The following TENM4 variants were observed in gnomAD, a reference collection of about 807,000 sequenced individuals.
TENM4 encodes teneurin-4.
A neutral mutation model predicts 243.3 loss-of-function variants in TENM4; 82 were observed. The observed-to-expected ratio is 0.34, with a 90% confidence interval of 0.28 to 0.40. The LOEUF is 0.40. TENM4 is among the 10% of genes least tolerant of loss of function. The pLI, the probability that TENM4 is intolerant of heterozygous loss-of-function variation, is 1.00. For synonymous variants in TENM4, 1,412 were observed against 1,456.3 expected (o/e 0.97, Z 0.69); for missense variants, 3,138 against 3,673.3 (o/e 0.85, Z 3.77).
intron 3 of TENM4, among the ~76,000 whole-genome samples, chr11:79,215,125 C>G (rs1367635017): frequency 2.0e-5 from 3 of 152,168 alleles, no homozygotes; most frequent in Non-Finnish European, 4.4e-5. Context: ...CCTCAGCCTC[C>G]CTCAATGTAA....
intron 9 of TENM4, among the ~76,000 whole-genome samples, chr11:78,868,838 G>A (rs1047002783): frequency 2.6e-5 from 4 of 152,138 alleles, no homozygotes; most frequent in African/African-American, 7.2e-5. Flanking sequence ...GATTCAAGTG[G>A]CATTTTTGGT....
chr11:78,903,320 C>G lies in TENM4; in HGVS notation c.697G>C (p.Ala233Pro). 4 of 1,482,856 alleles carry G rather than the reference C, an allele frequency of 2.7e-6. No individual in the cohort carries two copies. The highest frequency in any genetic ancestry group is 3.6e-6 in the Non-Finnish European group (4 of 1,118,626). 91.9% of individuals were successfully genotyped at this position (1,482,856 alleles called of 1,614,324 possible). ...EPPAGGAQEP[A>P]HAQENWLLNS... is the part of the protein sequence containing the mutation. The stretch of plus-strand genomic sequence containing the variant: ...AGCAGCCAGTTCTCCTGGGCGTGGG[C>G]AGGCTCCTGGGCGCCGCCGGCAGGG... Residue 233 changes from alanine (A) to proline (P), a missense_variant, in exon 7 of 34, where the codon GCC becomes CCC. Coordinates refer to ENST00000278550, the MANE Select transcript of TENM4 (RefSeq NM_001098816.3).
Position 79,307,007 on chromosome 11 carries a change from C to G in TENM4, c.-320-9464G>C, listed in dbSNP as rs138564478. On this transcript the variant is annotated intron_variant, in intron 1 of 33. Transcript: ENST00000278550. ...CAGATGTGCCTCTTTGTAAAAGGAT[C>G]TTTTAAGATTCCTGAGGATATATGT... is the stretch of plus-strand genomic sequence containing the variant. Among the ~76,000 whole-genome samples, 71 of 152,300 alleles carry G rather than the reference C, an allele frequency of 4.7e-4. 1 individual carries two copies. The South Asian group carries it at 9.3e-3, about 20-fold the overall frequency.
At chr11:78,981,234 C>G (rs1857785993) in intron 6 of TENM4, among the ~76,000 whole-genome samples, 1 of 152,200 alleles carries the variant, frequency 6.6e-6, no homozygotes, top group African/African-American at 2.4e-5. Context: ...ATCTATTATT[C>G]TATAACAGAA....
At chr11:78,979,296 G>A (rs1369670657) in intron 6 of TENM4, among the ~76,000 whole-genome samples, 1 of 152,190 alleles carries the variant, frequency 6.6e-6, no homozygotes, top group African/African-American at 2.4e-5. Context: ...TAGAGGGGAA[G>A]TCGATTAGGT....
At chr11:78,683,946 C>T (rs1295895416) in intron 29 of TENM4, among the ~76,000 whole-genome samples, 1 of 152,170 alleles carries the variant, frequency 6.6e-6, no homozygotes, top group Non-Finnish European at 1.5e-5. Context: ...TGGCTGTTTC[C>T]TCTGCACTGC....
intron 1 of TENM4, among the ~76,000 whole-genome samples, chr11:79,310,803 G>A (rs558176215): frequency 1.3e-3 from 199 of 152,262 alleles, no homozygotes; most frequent in African/African-American, 4.5e-3. Flanking sequence ...GGGAAGAGGG[G>A]ATGATTATGG....
intron 5 of TENM4, among the ~76,000 whole-genome samples, chr11:79,066,698 GCA>G (rs1036446014): frequency 6.1e-5 from 9 of 148,284 alleles, no homozygotes; most frequent in East Asian, 2.0e-4. Flanking sequence ...GCACACTCGA[GCA>G]CACACACGCA....
intron 4 of TENM4, among the ~76,000 whole-genome samples, chr11:79,080,580 T>A (rs1860642330): frequency 6.6e-6 from 1 of 152,024 alleles, no homozygotes; most frequent in Non-Finnish European, 1.5e-5. Flanking sequence ...AGCCTGAATG[T>A]CCCCCCTGCA....
At chr11:79,176,777 A>G (rs1045267818) in intron 3 of TENM4, among the ~76,000 whole-genome samples, 4 of 152,352 alleles carry the variant, frequency 2.6e-5, no homozygotes, top group African/African-American at 9.6e-5. Context: ...TGATAATAAT[A>G]TGGTATTTAG....
intron 18 of TENM4, among the ~76,000 whole-genome samples, chr11:78,769,352 C>T (rs984217164): frequency 6.6e-6 from 1 of 152,178 alleles, no homozygotes; most frequent in African/African-American, 2.4e-5. Flanking sequence ...GAATAGAGAG[C>T]CCTTTCCTTT....
At chr11:79,188,288 A>G (rs1198644271) in intron 3 of TENM4, among the ~76,000 whole-genome samples, 1 of 152,228 alleles carries the variant, frequency 6.6e-6, no homozygotes, top group Non-Finnish European at 1.5e-5. Flanking sequence ...CCAAGTCTAG[A>G]AATCTGAGGA....
chr11:79,092,453 C>T (rs181001872), intron 4 of TENM4, among the ~76,000 whole-genome samples: 13 of 152,308 alleles, frequency 8.5e-5, no homozygotes, highest in African/African-American at 2.6e-4. Flanking sequence ...CTGCGTCATT[C>T]GCATGGACCC....
chr11:78,730,112 T>C (rs890316975), intron 21 of TENM4, among the ~76,000 whole-genome samples: 2 of 152,198 alleles, frequency 1.3e-5, no homozygotes, highest in African/African-American at 4.8e-5. Flanking sequence ...AACCTCTGAA[T>C]CTCAGTCTCC....
chr11:79,395,596 G>A lies in TENM4; in HGVS notation c.-321+44913C>T, dbSNP rs577775160. On this transcript the variant is annotated intron_variant, in intron 1 of 33. Coordinates refer to ENST00000278550, the MANE Select transcript of TENM4 (RefSeq NM_001098816.3). ...CAAGTTCCAAAAGGCCACAGGCATC[G>A]GATTACTCAGCCCAGGGGCTTTCTA... Among the ~76,000 whole-genome samples the A allele has an allele frequency of 4.6e-5, 7 of 152,298 alleles. No individual in the cohort carries two copies. In the East Asian group the frequency reaches 5.8e-4, roughly 13 times the overall value.
rs530142331 is a variant in TENM4, at chr11:78,820,294, G to A, written c.1682-5899C>T. On this transcript the variant is annotated intron_variant, in intron 12 of 33. Transcript: ENST00000278550. ...TTACAGTCTTAGATAGAGAATGGGA[G>A]ATGAAGTCACCTTCTCAAGGTCACA... 4.6e-5 allele frequency among the ~76,000 whole-genome samples: 7 copies of A among 152,288 alleles called. No homozygotes were observed. The South Asian group carries it at 1.5e-3, about 32-fold the overall frequency.
chr11:78,755,321 C>T (rs374487331), intron 19 of TENM4, among the ~76,000 whole-genome samples: 17 of 152,112 alleles, frequency 1.1e-4, no homozygotes, highest in African/African-American at 4.1e-4. Context: ...CCTGCCACCA[C>T]ACCCAACTAA....
At position 79,064,897 on chromosome 11, in the gene TENM4, C is replaced by T; in HGVS notation, c.334G>A (p.Gly112Ser). The T allele has an allele frequency of 1.3e-6, 2 of 1,549,436 alleles. No homozygotes were observed. Among genetic ancestry groups the T allele is most frequent in the Non-Finnish European group, 1.7e-6 (2 of 1,145,536 alleles). Residue 112 changes from glycine (G) to serine (S), a missense_variant, in exon 6 of 34, where the codon GGC (glycine) becomes AGC (serine). Gly to Ser is a moderately conservative substitution (Grantham distance 56). This residue lies in a region of TENM4 where 671 missense variants were observed against 614.1 expected (regional missense o/e 1.09). Coordinates refer to ENST00000278550, the MANE Select transcript of TENM4 (RefSeq NM_001098816.3). ...LPHCGYSMGA[G>S]SDADMEADTV... Reference sequence around the variant, plus strand: ...TCAGCCTCCATGTCGGCATCAGAGCCAGCCCCCATGGAGTAGCCGCAGTGG... The same window carrying T: ...TCAGCCTCCATGTCGGCATCAGAGCTAGCCCCCATGGAGTAGCCGCAGTGG...
At chr11:78,716,734 C>T (rs988247770) in intron 25 of TENM4, among the ~76,000 whole-genome samples, 3 of 152,214 alleles carry the variant, frequency 2.0e-5, no homozygotes, top group Non-Finnish European at 2.9e-5. Context: ...CCATGGCCTT[C>T]GAGCAGTTCT....
Sources: gnomAD v4.1 joint callset for allele counts (sites outside exome capture counted in the v4.1 genomes callset) on GRCh38, gnomAD v4.1.1 for gene constraint, gnomAD v4.1.1 regional missense constraint, MANE v1.5 for transcripts, NCBI Gene and HGNC (gene_info 2026-07-23, HGNC 2026-07-21) for gene names.